ERBB2: variants seen among roughly 807,000 people sequenced by gnomAD.
ERBB2 encodes the protein receptor tyrosine-protein kinase erbB-2.
Under a neutral mutation model 149.0 loss-of-function variants are expected in ERBB2, and 61 were observed. The ratio of observed to expected loss-of-function variants is 0.41; its 90% CI spans 0.33 to 0.51. The LOEUF (loss-of-function observed/expected upper bound fraction) is 0.51. ERBB2 is among the 20% of genes least tolerant of loss of function. The pLI, the probability that ERBB2 is intolerant of heterozygous loss-of-function variation, is 0.25. For synonymous variants in ERBB2, 633 were observed against 678.8 expected, an observed-to-expected ratio of 0.93 and a Z score of 1.05; for missense variants, 1,205 against 1,655.1, an observed-to-expected ratio of 0.73 and a Z score of 4.72.
chr17:39,697,772 C>T, upstream of ERBB2, among the ~76,000 whole-genome samples: 1 of 152,102 alleles, frequency 6.6e-6, no homozygotes, highest in East Asian at 1.9e-4. Flanking sequence ...CAGCTCACTG[C>T]AACCTCTGCC....
At chr17:39,697,517 C>T (rs534915970), upstream of ERBB2, among the ~76,000 whole-genome samples, 20 of 151,232 alleles carry the variant, frequency 1.3e-4, no homozygotes, top group South Asian at 6.3e-4. Flanking sequence ...CCACCATGCC[C>T]GGCTAATTTT....
intron 2 of ERBB2, 147 bp downstream of exon 2, chr17:39,707,288 A>C: frequency 4.7e-6 from 3 of 639,338 alleles, no homozygotes; most frequent in Non-Finnish European, 7.5e-6. Context: ...CTAACATCTA[A>C]CCCCCATTCA....
intron 2 of ERBB2, chr17:39,708,105 GC>G (rs1258447752): frequency 1.2e-5 from 6 of 488,548 alleles, no homozygotes; most frequent in African/African-American, 3.9e-5. Context: ...TTTATGAAAT[GC>G]CCCCCCACCA....
rs760592652 is a variant in ERBB2, at chr17:39,726,167, C to G, written c.2872+314C>G. 1 of 399,832 alleles carries G rather than the reference C, an allele frequency of 2.5e-6. No homozygotes were observed. Among genetic ancestry groups the G allele is most frequent in the Non-Finnish European group, 4.5e-6 (1 of 220,918 alleles). 24.8% of individuals were successfully genotyped at this position (399,832 alleles called of 1,614,324 possible). Reference sequence around the variant, plus strand: ...TGGGCAACATAGTGAGATCCTATCTCTACAAAAAATAAAAAAATTATCTGG... The same window carrying G: ...TGGGCAACATAGTGAGATCCTATCTGTACAAAAAATAAAAAAATTATCTGG... On this transcript the variant is annotated intron_variant, in intron 23 of 26. Coordinates refer to ENST00000269571, the MANE Select transcript of ERBB2 (RefSeq NM_004448.4). The surrounding 1 kb of genome is among the most constrained non-coding windows in gnomAD (Gnocchi z 5.1).
chr17:39,691,898 TAGATATATATAC>T (rs1322736526), upstream of ERBB2, among the ~76,000 whole-genome samples: 1 of 129,530 alleles, frequency 7.7e-6, no homozygotes, highest in Non-Finnish European at 1.6e-5. Context: ...GATATAGATA[TAGATATATATAC>T]ATATACATAT....
rs2143076799 is a variant in ERBB2 at position 39,725,836 on chromosome 17, A to C, written c.2855A>C (p.Tyr952Ser). 6.2e-7 allele frequency: 1 copy of C among 1,613,892 alleles called. No individual in the cohort carries two copies. Among genetic ancestry groups the C allele is most frequent in the Non-Finnish European group, 8.5e-7 (1 of 1,179,908 alleles). The part of the protein sequence containing the change: ...PQPPICTIDV[Y>S]MIMVKCWMID... ...CCCCCCATCTGCACCATTGATGTCT[A>C]CATGATCATGGTCAAATGTGCGTGG... The change falls in exon 23 of 27, where the codon TAC becomes TCC. Residue 952 changes from tyrosine to serine, a missense_variant. Tyr to Ser is a moderately radical substitution (Grantham distance 144, BLOSUM62 -2). This residue lies in a region of ERBB2 where 63 missense variants were observed against 74.2 expected (regional missense o/e 0.85). Coordinates refer to ENST00000269571, the MANE Select transcript of ERBB2 (RefSeq NM_004448.4). The surrounding 1 kb of genome is among the most constrained non-coding windows in gnomAD (Gnocchi z 4.6).
At chr17:39,693,924 G>T (rs1164130108), upstream of ERBB2, among the ~76,000 whole-genome samples, 5 of 150,324 alleles carry the variant, frequency 3.3e-5, no homozygotes, top group African/African-American at 1.2e-4. Flanking sequence ...AGTGGCTCAT[G>T]CCCATAATCC....
At chr17:39,694,273 G>C (rs56328874), upstream of ERBB2, among the ~76,000 whole-genome samples, 1 of 25,490 alleles carries the variant, frequency 3.9e-5, no homozygotes, top group Non-Finnish European at 8.7e-5. Context: ...ATATATGTGT[G>C]TATATATATA....
At chr17:39,706,882 C>T in intron 1 of ERBB2, 108 bp from the exon 2 acceptor site, 2 of 1,161,560 alleles carry the variant, frequency 1.7e-6, no homozygotes, top group Non-Finnish European at 2.4e-6. Context: ...TTCAGTCAGG[C>T]TTCTCCCTGT....
chr17:39,723,275 C>G lies in ERBB2; in HGVS notation c.1947-44C>G. ...CCGTGGGCCCCCTTTGTCCCTCCCA[C>G]CCCAAACTAGCCCTCAATCCCTGAC... On this transcript the variant is annotated intron_variant, in intron 16 of 26. Coordinates refer to ENST00000269571, the MANE Select transcript of ERBB2 (RefSeq NM_004448.4). The surrounding 1 kb of genome is among the most constrained non-coding windows in gnomAD (Gnocchi z 6.2). 6.2e-7 allele frequency: 1 copy of G among 1,602,198 alleles called. No homozygotes were observed. The highest frequency in any genetic ancestry group is 8.5e-7 in the Non-Finnish European group (1 of 1,171,390).
At chr17:39,698,461 G>C (rs535602473), upstream of ERBB2, among the ~76,000 whole-genome samples, 2 of 151,438 alleles carry the variant, frequency 1.3e-5, no homozygotes, top group African/African-American at 4.9e-5. Context: ...GGGTTTCACC[G>C]TGTTAGCCAG....
intron 14 of ERBB2, 41 bp downstream of exon 14, chr17:39,716,646 G>T: frequency 6.4e-7 from 1 of 1,571,620 alleles, no homozygotes; most frequent in South Asian, 1.1e-5. Flanking sequence ...GAGGGGGGCA[G>T]CGAGGGGGAT....
chr17:39,726,734 G>A lies in ERBB2; in HGVS notation c.2970+75G>A, dbSNP rs1285875937. On this transcript the variant is annotated intron_variant, in intron 24 of 26. Transcript: ENST00000269571. The surrounding 1 kb of genome is among the most constrained non-coding windows in gnomAD (Gnocchi z 5.1). ...TGCAGAGGGTGGGAAGGAGAGATGA[G>A]TCCAGTATGCCAGGCCCCTCACGGA... is the stretch of plus-strand genomic sequence containing the variant. 1 of 1,591,088 alleles carries A rather than the reference G, an allele frequency of 6.3e-7. No homozygotes were observed. Among genetic ancestry groups the A allele is most frequent in the Non-Finnish European group, 8.6e-7 (1 of 1,159,166 alleles).
upstream of ERBB2, among the ~76,000 whole-genome samples, chr17:39,695,758 C>CACACGT (rs2057850041): frequency 6.7e-6 from 1 of 148,802 alleles, no homozygotes; most frequent in Non-Finnish European, 1.5e-5. Flanking sequence ...CACACACACA[C>CACACGT]GTCTCCTGTG....
In ERBB2 at chr17:39,725,008, A is replaced by G; in HGVS notation, c.2494-41A>G. The G allele has an allele frequency of 1.2e-6, 2 of 1,612,356 alleles. No individual in the cohort carries two copies. Among genetic ancestry groups the G allele is most frequent in the South Asian group, 2.2e-5 (2 of 91,002 alleles). ...TCTTGCTGGGCATGTGGCCAGGCCC[A>G]GGCCCTCCCAGAAGGTCTACATGGG... On this transcript the variant is annotated intron_variant, in intron 20 of 26. Coordinates refer to ENST00000269571, the MANE Select transcript of ERBB2 (RefSeq NM_004448.4). The surrounding 1 kb of genome is among the most constrained non-coding windows in gnomAD (Gnocchi z 4.6).
intron 9 of ERBB2, 43 bp downstream of exon 9, chr17:39,712,491 A>G (rs2058868176): frequency 6.2e-7 from 1 of 1,604,450 alleles, no homozygotes; most frequent in African/African-American, 1.3e-5. Flanking sequence ...CAGGGCAGAC[A>G]GAGTCCTGAG....
At chr17:39,716,085 G>GCCTCTTGGCATGGCTTCT (rs1369250919) in intron 12 of ERBB2, 146 bp downstream of exon 12, 3 of 1,031,284 alleles carry the variant, frequency 2.9e-6, no homozygotes, top group Non-Finnish European at 4.2e-6. Context: ...GGCTGGCTTG[G>GCCTCTTGGCATGGCTTCT]CCTCTTGGCA....
chr17:39,727,676 CTT>C lies in ERBB2; in HGVS notation c.3413-12_3413-11del, dbSNP rs2059854817. ...TCCTTCCCCTAATGGGTCACCTTCT[CTT>C]GACCTTTCAGAATATGTGAACCAGC... On this transcript the variant is annotated splice_polypyrimidine_tract_variant and intron_variant, in intron 26 of 26. Transcript: ENST00000269571. The surrounding 1 kb of genome is among the most constrained non-coding windows in gnomAD (Gnocchi z 4.3). 1 of 1,546,148 alleles carries C rather than the reference CTT, an allele frequency of 6.5e-7. No homozygotes were observed. The highest frequency in any genetic ancestry group is 2.1e-5 in the Admixed American group (1 of 48,356).
Position 39,727,277 on chromosome 17 carries a change from TTTC to T in ERBB2, c.3160-15_3160-13del. 6.2e-7 allele frequency: 1 copy of T among 1,611,410 alleles called. No individual in the cohort carries two copies. The highest frequency in any genetic ancestry group is 8.5e-7 in the Non-Finnish European group (1 of 1,179,440). On this transcript the variant is annotated splice_polypyrimidine_tract_variant and intron_variant, in intron 25 of 26. Transcript: ENST00000269571. This position sits in a 1 kb window ranked among gnomAD's most constrained non-coding sequence, Gnocchi z 4.3. The stretch of plus-strand genomic sequence containing the variant: ...ATCCGTGAGTGACCCCCATCATGAC[TTTC>T]TTTCTTGTCCCCAGAGTGGCGGTGG...
Sources: gnomAD v4.1 joint callset for allele counts (sites outside exome capture counted in the v4.1 genomes callset) on GRCh38, gnomAD v4.1.1 for gene constraint, gnomAD v4.1.1 regional missense constraint, Gnocchi (gnomAD v3.1) non-coding constraint, MANE v1.5 for transcripts, NCBI Gene and HGNC (gene_info 2026-07-23, HGNC 2026-07-21) for gene names.